ERG: variants seen among roughly 807,000 people sequenced by gnomAD.
ERG encodes ETS transcription factor ERG, also known as transcriptional regulator ERG.
Under a neutral mutation model 55.3 loss-of-function variants are expected in ERG, and 9 were observed. The observed-to-expected ratio is 0.16, with a 90% CI of 0.10 to 0.28. The LOEUF (loss-of-function observed/expected upper bound fraction) is 0.28, where lower values mean the gene tolerates loss of function less well. Among genes scored for constraint, ERG ranks in the 10% least tolerant of loss-of-function variants. The probability of loss-of-function intolerance (pLI) is 1.00; values close to 1 mark genes in which losing one functional copy is unlikely to be tolerated. For missense variants in ERG, 434 were observed against 631.6 expected (o/e 0.69, Z 3.35); for synonymous variants, 223 against 237.3 (o/e 0.94, Z 0.55).
At chr21:38,368,863 C>T in the ERG span, among the ~76,000 whole-genome samples, 3 of 152,076 alleles carry the variant, frequency 2.0e-5, no homozygotes, top group Admixed American at 6.5e-5. Context: ...TGAGAACATA[C>T]GGTATTTGGT....
At chr21:38,544,122 C>A (rs2059772917) in intron 2 of ERG, among the ~76,000 whole-genome samples, 1 of 152,154 alleles carries the variant, frequency 6.6e-6, no homozygotes, top group African/African-American at 2.4e-5. Flanking sequence ...GGAACTAAGT[C>A]ATAAATGATG....
chr21:38,561,648 C>T (rs981290750), intron 2 of ERG, among the ~76,000 whole-genome samples: 1 of 151,916 alleles, frequency 6.6e-6, no homozygotes, highest in African/African-American at 2.4e-5. Flanking sequence ...GCAAGAATCA[C>T]CTGGTTAAAG....
intron 2 of ERG, among the ~76,000 whole-genome samples, chr21:38,507,108 G>GCT (rs934301564): frequency 4.6e-5 from 7 of 152,156 alleles, no homozygotes; most frequent in African/African-American, 1.7e-4. Context: ...GCGCCCCTGG[G>GCT]CTCTGCATTG....
Position 38,382,297 on chromosome 21 carries a change from G to A in ERG, c.*1106C>T. ...AACGCACAGCGTTCGCGACTCAAAG[G>A]AAAACTGGAGGCCGCCTACCCAAAA... is the stretch of plus-strand genomic sequence containing the variant. On this transcript the variant is annotated 3_prime_UTR_variant, in exon 10 of 10. Transcript: ENST00000288319. 1 of 1,054,678 alleles carries A rather than the reference G, an allele frequency of 9.5e-7. No individual in the cohort carries two copies. The highest frequency in any genetic ancestry group is 1.1e-6 in the Non-Finnish European group (1 of 872,378). 65.3% of individuals were successfully genotyped at this position (1,054,678 alleles called of 1,614,324 possible).
chr21:38,409,517 C>T (rs570274882), intron 3 of ERG, among the ~76,000 whole-genome samples: 4 of 148,002 alleles, frequency 2.7e-5, no homozygotes, highest in African/African-American at 7.6e-5. Context: ...AAAAAGACTC[C>T]GTGATCCAAG....
At chr21:38,610,982 C>T (rs1172570593) in intron 1 of ERG, among the ~76,000 whole-genome samples, 1 of 152,194 alleles carries the variant, frequency 6.6e-6, no homozygotes, top group African/African-American at 2.4e-5. Context: ...ACCATAACTG[C>T]CTTGGAGGGA....
chr21:38,416,945 C>T (rs1989307289), intron 3 of ERG, among the ~76,000 whole-genome samples: 1 of 152,212 alleles, frequency 6.6e-6, no homozygotes, highest in African/African-American at 2.4e-5. Flanking sequence ...GAAATCACAT[C>T]ATCGTGGGTA....
chr21:38,556,077 T>C (rs910402340), intron 2 of ERG, among the ~76,000 whole-genome samples: 4 of 151,792 alleles, frequency 2.6e-5, no homozygotes, highest in African/African-American at 7.3e-5. Context: ...ATGTATAGAA[T>C]ATACATAGGA....
chr21:38,605,879 TGATA>T (rs1264308901), intron 1 of ERG, among the ~76,000 whole-genome samples: 4 of 151,986 alleles, frequency 2.6e-5, no homozygotes, highest in African/African-American at 4.8e-5. Flanking sequence ...GATAGATAAA[TGATA>T]GATAGATAAT....
At chr21:38,543,739 T>TTC (rs2059770238) in intron 2 of ERG, among the ~76,000 whole-genome samples, 1 of 146,810 alleles carries the variant, frequency 6.8e-6, no homozygotes, top group Non-Finnish European at 1.5e-5. Flanking sequence ...GAGAAACACT[T>TTC]TTTTTTTTTT....
intron 2 of ERG, among the ~76,000 whole-genome samples, chr21:38,569,748 T>A (rs1387856996): frequency 6.6e-6 from 1 of 152,158 alleles, no homozygotes; most frequent in Non-Finnish European, 1.5e-5. Context: ...GTTATGTGGT[T>A]TTTTTTCCTT....
At position 38,383,794 on chromosome 21, in the gene ERG, C is replaced by A. The variant is rs2146412542; in HGVS notation, c.1049G>T (p.Arg350Leu). The A allele has an allele frequency of 6.2e-7, 1 of 1,614,200 alleles. No individual in the cohort carries two copies. Among genetic ancestry groups the A allele is most frequent in the East Asian group, 2.2e-5 (1 of 44,878 alleles). Reference protein sequence around the residue: ...KMTDPDEVARRWGERKSKPNM... With the variant: ...KMTDPDEVARLWGERKSKPNM... ...GGGTTTGCTCTTCCGCTCTCCCCAG[C>A]GCCGGGCCACCTCGTCGGGATCCGT... The change falls in exon 10 of 10, where the codon CGC becomes CTC. Residue 350 changes from arginine (R) to leucine (L), a missense_variant. Physicochemically the swap from Arg to Leu is moderately radical, Grantham distance 102 (BLOSUM62 -2). Around this residue, in one of 5 missense-constraint regions of ERG, gnomAD observed 13 missense variants for 76.6 expected, o/e 0.17. Coordinates refer to ENST00000288319, the MANE Select transcript of ERG (RefSeq NM_182918.4). The surrounding 1 kb of genome is among the most constrained non-coding windows in gnomAD (Gnocchi z 5.7).
chr21:38,438,444 G>A (rs558479624), intron 2 of ERG, among the ~76,000 whole-genome samples: 6 of 152,300 alleles, frequency 3.9e-5, no homozygotes, highest in East Asian at 1.9e-4. Flanking sequence ...ATGACTCCAC[G>A]CATAAACAGT....
intron 1 of ERG, among the ~76,000 whole-genome samples, chr21:38,486,749 C>A (rs1002574828): frequency 6.6e-6 from 1 of 152,066 alleles, no homozygotes; most frequent in Non-Finnish European, 1.5e-5. Flanking sequence ...GGTATTTTGC[C>A]AGGTTGCCCA....
the ERG span, chr21:38,367,609 G>A: frequency 3.8e-6 from 2 of 525,398 alleles, no homozygotes; most frequent in Non-Finnish European, 3.7e-6. Context: ...TGTCACATCT[G>A]CTATATTCTA....
intron 2 of ERG, among the ~76,000 whole-genome samples, chr21:38,513,062 C>T (rs1162676386): frequency 3.3e-5 from 5 of 151,354 alleles, no homozygotes; most frequent in South Asian, 2.1e-4. Flanking sequence ...ACCAGGGAGT[C>T]GGAGGGTGCC....
intron 2 of ERG, among the ~76,000 whole-genome samples, chr21:38,503,878 G>A (rs1398895020): frequency 2.0e-5 from 3 of 152,086 alleles, no homozygotes. Flanking sequence ...AACATACGCG[G>A]CATGAAGACA....
At chr21:38,492,889 T>C (rs1471680120) in intron 1 of ERG, among the ~76,000 whole-genome samples, 1 of 152,094 alleles carries the variant, frequency 6.6e-6, no homozygotes. Flanking sequence ...AACAAAAAAA[T>C]GTAATGAAAT....
At chr21:38,536,424 T>C (rs754211631) in intron 2 of ERG, among the ~76,000 whole-genome samples, 6 of 152,220 alleles carry the variant, frequency 3.9e-5, no homozygotes, top group Middle Eastern at 3.2e-3. Flanking sequence ...TGAGGACTCC[T>C]ATCTATCCTT....
Sources: allele counts gnomAD v4.1 joint callset (sites outside exome capture counted in the v4.1 genomes callset), GRCh38; gene constraint gnomAD v4.1.1; regional missense constraint gnomAD v4.1.1; non-coding constraint Gnocchi (gnomAD v3.1); transcripts MANE v1.5; gene names NCBI Gene and HGNC (gene_info 2026-07-23, HGNC 2026-07-21).